DDX60: variants seen among roughly 807,000 people sequenced by gnomAD.
DDX60 encodes DExD/H-box helicase 60.
In DDX60, 165 loss-of-function variants were observed where a neutral mutation model predicts 212.8. The observed-to-expected ratio is 0.78, with a 90% CI of 0.68 to 0.88. DDX60 has a LOEUF of 0.88. DDX60 is among the 40% of genes least tolerant of loss of function. The pLI is 0.00. For synonymous variants in DDX60, 703 were observed against 685.3 expected (o/e 1.03, Z -0.40); for missense variants, 1,905 against 2,003.9 (o/e 0.95, Z 0.94).
chr4:168,314,041 C>A (rs1299132462), intron 1 of DDX60, among the ~76,000 whole-genome samples: 1 of 152,074 alleles, frequency 6.6e-6, no homozygotes, highest in Non-Finnish European at 1.5e-5. Context: ...AGTTTGAGAT[C>A]CTACAGGTTG....
At chr4:168,288,827 G>A (rs1735971797) in intron 8 of DDX60, among the ~76,000 whole-genome samples, 1 of 152,152 alleles carries the variant, frequency 6.6e-6, no homozygotes. Context: ...AAACCTCATG[G>A]AATGATCCCT....
chr4:168,262,059 A>G lies in DDX60; in HGVS notation c.3214T>C (p.Tyr1072His). The G allele has an allele frequency of 6.2e-7, 1 of 1,604,272 alleles. No individual in the cohort carries two copies. Among genetic ancestry groups the G allele is most frequent in the Non-Finnish European group, 8.5e-7 (1 of 1,176,876 alleles). ...LVIKKMDARK[Y>H]EESLKAELTS... ...AATTCTGCCTTTAGACTCTCTTCAT[A>G]TTTCCTAGCATCCATCTTTTTAATG... Residue 1072 changes from tyrosine (Y) to histidine (H), a missense_variant, in exon 24 of 38, where the codon TAT (tyrosine) becomes CAT (histidine). Transcript: ENST00000393743.
At chr4:168,275,012 A>C (rs1218680400) in intron 16 of DDX60, among the ~76,000 whole-genome samples, 1 of 152,174 alleles carries the variant, frequency 6.6e-6, no homozygotes, top group African/African-American at 2.4e-5. Flanking sequence ...AAATTTCTCT[A>C]TGCACTTTAT....
At chr4:168,284,275 A>G (rs949045212) in intron 12 of DDX60, among the ~76,000 whole-genome samples, 2 of 152,058 alleles carry the variant, frequency 1.3e-5, no homozygotes, top group African/African-American at 4.8e-5. Flanking sequence ...TGCTATGCCT[A>G]CTCCTAGGTT....
chr4:168,316,796 A>G (rs1425581674), intron 1 of DDX60, among the ~76,000 whole-genome samples: 3 of 152,088 alleles, frequency 2.0e-5, no homozygotes, highest in Non-Finnish European at 1.5e-5. Context: ...CCAGCCAAAA[A>G]AAAAAGAAAC....
chr4:168,314,349 G>A (rs1453225950), intron 1 of DDX60, among the ~76,000 whole-genome samples: 1 of 149,324 alleles, frequency 6.7e-6, no homozygotes, highest in Non-Finnish European at 1.5e-5. Flanking sequence ...ACACAAATTA[G>A]TACCAATAGA....
chr4:168,311,277 C>T lies in DDX60; in HGVS notation c.-18G>A, dbSNP rs765698346. 3 of 1,612,258 alleles carry T rather than the reference C, an allele frequency of 1.9e-6. No individual in the cohort carries two copies. The highest frequency in any genetic ancestry group is 2.5e-6 in the Non-Finnish European group (3 of 1,179,282). ...TTACCCATTCTTGCTGCTGCCTGTG[C>T]CTCCAACCTGAACTGGCAAGTATTA... On this transcript the variant is annotated 5_prime_UTR_variant, in exon 2 of 38. Coordinates refer to ENST00000393743, the MANE Select transcript of DDX60 (RefSeq NM_017631.6).
chr4:168,247,744 A>T (rs1734071302), intron 29 of DDX60, among the ~76,000 whole-genome samples: 1 of 152,226 alleles, frequency 6.6e-6, no homozygotes, highest in Non-Finnish European at 1.5e-5. Flanking sequence ...GACAGTAATG[A>T]AGTGGGCTTG....
chr4:168,217,759 G>C (rs745427065), intron 37 of DDX60, among the ~76,000 whole-genome samples: 12 of 152,102 alleles, frequency 7.9e-5, no homozygotes, highest in Non-Finnish European at 1.8e-4. Flanking sequence ...CTTTGGAGAT[G>C]AAAGGGAGCC....
At chr4:168,306,281 C>T (rs1360883781) in intron 5 of DDX60, 98 bp downstream of exon 5, 2 of 747,458 alleles carry the variant, frequency 2.7e-6, no homozygotes, top group Non-Finnish European at 4.3e-6. Flanking sequence ...TGTTAAGCCT[C>T]TGATAATTTC....
chr4:168,298,080 T>C (rs1419482621), intron 6 of DDX60, among the ~76,000 whole-genome samples: 1 of 151,948 alleles, frequency 6.6e-6, no homozygotes, highest in African/African-American at 2.4e-5. Context: ...ATTGAGATTA[T>C]TCTTTTTATA....
At chr4:168,251,830 G>T (rs1465563989) in intron 27 of DDX60, among the ~76,000 whole-genome samples, 1 of 152,210 alleles carries the variant, frequency 6.6e-6, no homozygotes, top group Non-Finnish European at 1.5e-5. Context: ...ATGTAAGTTT[G>T]TATGTGTATA....
intron 33 of DDX60, among the ~76,000 whole-genome samples, chr4:168,233,714 G>A (rs186022612): frequency 1.3e-5 from 2 of 152,166 alleles, no homozygotes. Context: ...CATAGGAAAA[G>A]GTGTGAGGGG....
chr4:168,271,052 A>G (rs185313193), intron 19 of DDX60, among the ~76,000 whole-genome samples: 306 of 151,332 alleles, frequency 2.0e-3, no homozygotes, highest in African/African-American at 5.3e-3. Context: ...TAATTTTTGT[A>G]TTTTTAGTAG....
chr4:168,282,360 G>C (rs1735630883), intron 13 of DDX60, among the ~76,000 whole-genome samples: 2 of 152,128 alleles, frequency 1.3e-5, no homozygotes, highest in Non-Finnish European at 2.9e-5. Flanking sequence ...GTCTCTCGGA[G>C]TTCTGAAAAT....
At chr4:168,297,399 A>G (rs1445189029) in intron 6 of DDX60, among the ~76,000 whole-genome samples, 1 of 145,998 alleles carries the variant, frequency 6.8e-6, no homozygotes, top group African/African-American at 2.6e-5. Flanking sequence ...AAAGAAAGAA[A>G]GAAAGACAAT....
intron 26 of DDX60, among the ~76,000 whole-genome samples, chr4:168,255,102 A>G (rs562661269): frequency 4.5e-4 from 69 of 152,318 alleles, no homozygotes; most frequent in African/African-American, 1.5e-3. Context: ...GTGATCATCC[A>G]GGCAAGATAT....
chr4:168,313,185 T>C (rs1334503148), intron 1 of DDX60, among the ~76,000 whole-genome samples: 2 of 152,174 alleles, frequency 1.3e-5, no homozygotes, highest in Non-Finnish European at 2.9e-5. Context: ...AATGAAGGGA[T>C]CAGGGTCCTG....
Position 168,236,375 on chromosome 4 carries a change from T to C in DDX60, c.4412-2A>G. The C allele has an allele frequency of 6.3e-7, 1 of 1,595,292 alleles. No individual in the cohort carries two copies. Among genetic ancestry groups the C allele is most frequent in the South Asian group, 1.1e-5 (1 of 87,698 alleles). On this transcript the variant is annotated splice_acceptor_variant, in intron 32 of 37. Transcript: ENST00000393743. LOFTEE classifies it high-confidence loss of function. ...CGTCTTGAGAAAAATGTTTTGAGCC[T>C]ATATAAAACAAAGTGTCTTCTTGTA...
Sources: gnomAD v4.1 joint callset for allele counts (sites outside exome capture counted in the v4.1 genomes callset) on GRCh38, gnomAD v4.1.1 for gene constraint, MANE v1.5 for transcripts, NCBI Gene and HGNC (gene_info 2026-07-23, HGNC 2026-07-21) for gene names.